The following WDPCP variants were observed in gnomAD, a reference collection of about 807,000 sequenced individuals.
WDPCP encodes WD repeat containing planar cell polarity effector.
A neutral mutation model predicts 93.1 loss-of-function variants in WDPCP; 71 were observed. The observed-to-expected ratio is 0.76, with a 90% CI of 0.63 to 0.93. The LOEUF is 0.93. Among genes scored for constraint, WDPCP ranks in the 40% least tolerant of loss-of-function variants. The pLI, the probability that WDPCP is intolerant of heterozygous loss-of-function variation, is 0.00. For missense variants in WDPCP, 844 were observed against 887.4 expected, an observed-to-expected ratio of 0.95 and a Z score of 0.62; for synonymous variants, 315 against 315.0, an observed-to-expected ratio of 1.00 and a Z score of 0.00.
intron 3 of WDPCP, among the ~76,000 whole-genome samples, chr2:63,610,895 G>A (rs1709606493): frequency 6.6e-6 from 1 of 152,130 alleles, no homozygotes; most frequent in Admixed American, 6.5e-5. Context: ...AGGAGTTCGA[G>A]ACCAACCTGG....
chr2:63,381,895 T>C lies in WDPCP; in HGVS notation c.1624+11A>G. 6.2e-7 allele frequency: 1 copy of C among 1,612,506 alleles called. No individual in the cohort carries two copies. The highest frequency in any genetic ancestry group is 1.7e-5 in the Admixed American group (1 of 59,880). On this transcript the variant is annotated intron_variant, in intron 11 of 17. Transcript: ENST00000272321. ...ACAAAACTCATCAATGAAAAATATTTCAAGTCTGACCTTCTCTCTCTGGAG... is the reference window on the plus strand; with the variant it reads ...ACAAAACTCATCAATGAAAAATATTCCAAGTCTGACCTTCTCTCTCTGGAG...
intron 14 of WDPCP, among the ~76,000 whole-genome samples, chr2:63,197,560 T>C (rs1045999506): frequency 1.6e-4 from 25 of 152,242 alleles, no homozygotes; most frequent in Non-Finnish European, 3.4e-4. Flanking sequence ...AAAGCCTACC[T>C]ATTGAAGTAC....
intron 14 of WDPCP, among the ~76,000 whole-genome samples, chr2:63,231,850 C>T (rs1002441915): frequency 2.0e-5 from 3 of 152,032 alleles, no homozygotes; most frequent in African/African-American, 7.2e-5. Context: ...CATATGGAGA[C>T]AAAAAAGAGC....
At chr2:63,657,948 A>C (rs1412328244) in intron 2 of WDPCP, among the ~76,000 whole-genome samples, 3 of 152,150 alleles carry the variant, frequency 2.0e-5, no homozygotes, top group Non-Finnish European at 2.9e-5. Context: ...TATCTGCTTA[A>C]TTTAAAAGGT....
chr2:63,591,449 C>G (rs1331330035), upstream of WDPCP, among the ~76,000 whole-genome samples: 2 of 152,194 alleles, frequency 1.3e-5, no homozygotes, highest in African/African-American at 2.4e-5. Context: ...ATTAACTGTT[C>G]ATTAGGTGGC....
At chr2:63,640,067 G>A (rs1709964030) in intron 3 of WDPCP, among the ~76,000 whole-genome samples, 1 of 152,136 alleles carries the variant, frequency 6.6e-6, no homozygotes, top group Non-Finnish European at 1.5e-5. Flanking sequence ...GGAGTGCAGT[G>A]GCGCGATCTC....
At chr2:63,410,896 A>G (rs1694973354) in intron 9 of WDPCP, among the ~76,000 whole-genome samples, 1 of 152,196 alleles carries the variant, frequency 6.6e-6, no homozygotes. Flanking sequence ...TTATAAAACA[A>G]TTACTAATTG....
the WDPCP span, among the ~76,000 whole-genome samples, chr2:63,839,653 T>C: frequency 6.6e-6 from 1 of 152,256 alleles, no homozygotes; most frequent in Non-Finnish European, 1.5e-5. Context: ...CCCAAATCTT[T>C]CGGTAGTATT....
chr2:63,308,628 C>T (rs1435749434), intron 13 of WDPCP, among the ~76,000 whole-genome samples: 5 of 152,068 alleles, frequency 3.3e-5, no homozygotes, highest in Non-Finnish European at 7.3e-5. Context: ...TCATTCTCAG[C>T]AAGCTAACAC....
At chr2:63,822,324 G>A (rs1671037122) in intron 1 of WDPCP, among the ~76,000 whole-genome samples, 1 of 151,982 alleles carries the variant, frequency 6.6e-6, no homozygotes, top group Admixed American at 6.6e-5. Flanking sequence ...TGTTGACACT[G>A]AAGTTGTCAA....
chr2:63,759,630 G>A (rs1386972454), intron 2 of WDPCP, among the ~76,000 whole-genome samples: 1 of 152,198 alleles, frequency 6.6e-6, no homozygotes, highest in East Asian at 1.9e-4. Context: ...TGGTGTGAAT[G>A]GAGATTTCAA....
Position 63,772,057 on chromosome 2 carries a change from A to T in WDPCP, n.308+41565T>A, listed in dbSNP as rs190359935. Among the ~76,000 whole-genome samples the T allele has an allele frequency of 2.0e-3, 303 of 152,174 alleles. 3 individuals are homozygous for T. Among genetic ancestry groups the T allele is most frequent in the African/African-American group, 6.3e-3 (261 of 41,558 alleles). ...GAATGACTTATTTTTCTTTGGGTAT[A>T]TACCCAGTAATGAGATTGCTGGGTC... On this transcript the variant is annotated intron_variant and non_coding_transcript_variant, in intron 2 of 4. Coordinates refer to the WDPCP transcript ENST00000467687.
chr2:63,280,461 C>A lies in WDPCP; in HGVS notation c.1813-21052G>T, dbSNP rs545775109. Among the ~76,000 whole-genome samples, 469 of 152,246 alleles carry A rather than the reference C, an allele frequency of 3.1e-3. 2 individuals carry two copies. Among genetic ancestry groups the A allele is most frequent in the Middle Eastern group, 6.8e-3 (2 of 294 alleles). On this transcript the variant is annotated intron_variant, in intron 13 of 17. Coordinates refer to ENST00000272321, the MANE Select transcript of WDPCP (RefSeq NM_015910.7). Reference sequence around the variant, plus strand: ...CAACACGTGGGAATTCTGGGAGATACAATTCAAGTTGAGATTTGGGTGGGG... The same window carrying A: ...CAACACGTGGGAATTCTGGGAGATAAAATTCAAGTTGAGATTTGGGTGGGG...
At chr2:63,623,517 A>C (rs1180141334) in intron 3 of WDPCP, among the ~76,000 whole-genome samples, 2 of 152,216 alleles carry the variant, frequency 1.3e-5, no homozygotes, top group Non-Finnish European at 1.5e-5. Flanking sequence ...GCAGAAAAAA[A>C]AAAAAGAAGG....
intron 17 of WDPCP, among the ~76,000 whole-genome samples, chr2:63,138,379 A>C (rs993273803): frequency 1.3e-5 from 2 of 151,030 alleles, no homozygotes; most frequent in African/African-American, 4.9e-5. Context: ...AGATATTGCT[A>C]TTTTATTTTA....
At chr2:63,816,192 T>G (rs1670930580) in intron 1 of WDPCP, among the ~76,000 whole-genome samples, 1 of 152,102 alleles carries the variant, frequency 6.6e-6, no homozygotes, top group African/African-American at 2.4e-5. Context: ...AAACTGGAAT[T>G]CAAAAACTGT....
chr2:63,122,655 G>C (rs1187275568), intron 17 of WDPCP, among the ~76,000 whole-genome samples: 2 of 152,250 alleles, frequency 1.3e-5, no homozygotes, highest in East Asian at 3.9e-4. Context: ...TCTGAAGTTG[G>C]ATGATGTGTG....
intron 2 of WDPCP, among the ~76,000 whole-genome samples, chr2:63,655,875 T>G (rs1710161159): frequency 6.6e-6 from 1 of 152,370 alleles, no homozygotes; most frequent in Middle Eastern, 3.4e-3. Context: ...GTATGCATCA[T>G]ATCATTTATT....
At chr2:63,814,289 GA>G (rs1448885095) in intron 1 of WDPCP, among the ~76,000 whole-genome samples, 1 of 151,644 alleles carries the variant, frequency 6.6e-6, no homozygotes, top group Non-Finnish European at 1.5e-5. Flanking sequence ...TCTGGTCATT[GA>G]AATGCAAGGG....
Sources: gnomAD v4.1 joint callset for allele counts (sites outside exome capture counted in the v4.1 genomes callset) on GRCh38, gnomAD v4.1.1 for gene constraint, MANE v1.5 for transcripts, NCBI Gene and HGNC (gene_info 2026-07-23, HGNC 2026-07-21) for gene names.